The following TBK1 variants were observed in gnomAD, a reference collection of about 807,000 sequenced individuals.
The protein encoded by TBK1 is TANK binding kinase 1.
Under a neutral mutation model 99.9 loss-of-function variants are expected in TBK1, and 37 were observed. The ratio of observed to expected loss-of-function variants is 0.37; its 90% CI spans 0.28 to 0.49. The LOEUF (loss-of-function observed/expected upper bound fraction) is 0.49. Among genes scored for constraint, TBK1 ranks in the 20% least tolerant of loss-of-function variants. The pLI, the probability that TBK1 is intolerant of heterozygous loss-of-function variation, is 0.98. For synonymous variants in TBK1, 258 were observed against 279.8 expected, an observed-to-expected ratio of 0.92 and a Z score of 0.78; for missense variants, 644 against 872.5, an observed-to-expected ratio of 0.74 and a Z score of 3.30.
chr12:64,488,612 G>T (rs200532605), intron 12 of TBK1, 24 bp downstream of exon 12: 1 of 1,425,690 alleles, frequency 7.0e-7, no homozygotes, highest in Non-Finnish European at 9.7e-7. Context: ...TTCCTTACTA[G>T]TAGGGGTTAA....
intron 1 of TBK1, among the ~76,000 whole-genome samples, chr12:64,454,328 C>T (rs1017831723): frequency 6.6e-6 from 1 of 151,088 alleles, no homozygotes; most frequent in Non-Finnish European, 1.5e-5. Flanking sequence ...CTCACTGCAA[C>T]CTCTGCCTCC....
intron 8 of TBK1, 133 bp from the exon 9 acceptor site, chr12:64,484,170 A>C (rs1327688998): frequency 3.1e-5 from 19 of 621,230 alleles, no homozygotes; most frequent in Non-Finnish European, 5.2e-5. Flanking sequence ...CCACATTAAC[A>C]AAGCAAGTTT....
chr12:64,467,739 G>T (rs1041337608), intron 5 of TBK1, among the ~76,000 whole-genome samples: 3 of 152,082 alleles, frequency 2.0e-5, no homozygotes, highest in African/African-American at 4.8e-5. Context: ...CATTTGGATT[G>T]TGCTGTTGTA....
intron 7 of TBK1, among the ~76,000 whole-genome samples, chr12:64,481,323 A>G (rs1203132926): frequency 4.6e-5 from 7 of 152,198 alleles, no homozygotes; most frequent in African/African-American, 1.7e-4. Flanking sequence ...GGCATTATCT[A>G]TCGAATCAGT....
At chr12:64,494,410 G>A (rs1043703169) in intron 13 of TBK1, among the ~76,000 whole-genome samples, 1 of 152,146 alleles carries the variant, frequency 6.6e-6, no homozygotes, top group African/African-American at 2.4e-5. Flanking sequence ...AACTCAGGAG[G>A]CAGAGGTTGC....
At chr12:64,458,977 T>A (rs921809354) in intron 2 of TBK1, among the ~76,000 whole-genome samples, 1 of 151,996 alleles carries the variant, frequency 6.6e-6, no homozygotes, top group Non-Finnish European at 1.5e-5. Flanking sequence ...ATGACCAGGG[T>A]GAGGGGAATC....
chr12:64,496,408 T>TA lies in TBK1; in HGVS notation c.1760+4dup. On this transcript the variant is annotated splice_region_variant and intron_variant, in intron 16 of 20. Coordinates refer to ENST00000331710, the MANE Select transcript of TBK1 (RefSeq NM_013254.4). ...AGAACAAATCCACAAATTTGATAAGTAAGTATCCAGATTATGTTTAATAGT... is the reference window on the plus strand; with the variant it reads ...AGAACAAATCCACAAATTTGATAAGTAAAGTATCCAGATTATGTTTAATAGT... The TA allele has an allele frequency of 7.9e-7, 1 of 1,258,676 alleles. No individual in the cohort carries two copies. The allele number at this position is 1,258,676 out of a possible 1,614,324, so 78.0% of individuals were successfully genotyped here. A position where few individuals can be genotyped will look rare whatever the true frequency, so the allele number is the denominator to read the frequency against.
At chr12:64,463,135 G>A (rs1025366905) in intron 3 of TBK1, among the ~76,000 whole-genome samples, 1 of 152,104 alleles carries the variant, frequency 6.6e-6, no homozygotes, top group Non-Finnish European at 1.5e-5. Flanking sequence ...ACTTTGGGAG[G>A]CCGAGGTGGG....
At chr12:64,481,784 T>A in intron 7 of TBK1, 58 bp from the exon 8 acceptor site, 1 of 1,236,396 alleles carries the variant, frequency 8.1e-7, no homozygotes, top group Non-Finnish European at 1.1e-6. Flanking sequence ...TATGATTTTT[T>A]AACCTAGACA....
chr12:64,481,984 A>G lies in TBK1; in HGVS notation c.955A>G (p.Met319Val), dbSNP rs1592367442. Reference sequence around the variant, plus strand: ...AATTCATGTTTTTTCGCTACAACAAATGACAGCTCATAAGATTTATATTCA... The same window carrying G: ...AATTCATGTTTTTTCGCTACAACAAGTGACAGCTCATAAGATTTATATTCA... Reference protein sequence around the residue: ...MVIHVFSLQQMTAHKIYIHSY... With the variant: ...MVIHVFSLQQVTAHKIYIHSY... The change falls in exon 8 of 21, where the codon ATG (methionine) becomes GTG (valine). Residue 319 changes from methionine (M) to valine (V), a missense_variant. Around this residue, in one of 3 missense-constraint regions of TBK1, gnomAD observed 465 missense variants for 588.0 expected, o/e 0.79. Coordinates refer to ENST00000331710, the MANE Select transcript of TBK1 (RefSeq NM_013254.4). 1.2e-6 allele frequency: 2 copies of G among 1,603,888 alleles called. No individual in the cohort carries two copies. Among genetic ancestry groups the G allele is most frequent in the Non-Finnish European group, 1.7e-6 (2 of 1,175,294 alleles).
chr12:64,486,072 A>G, intron 11 of TBK1, 55 bp downstream of exon 11: 1 of 1,255,724 alleles, frequency 8.0e-7, no homozygotes, highest in South Asian at 1.4e-5. Context: ...TTGCCCCATC[A>G]TTGATATTTT....
chr12:64,460,909 T>C (rs1472448111), intron 3 of TBK1, among the ~76,000 whole-genome samples: 1 of 150,844 alleles, frequency 6.6e-6, no homozygotes, highest in East Asian at 1.9e-4. Flanking sequence ...GGCAAAACCC[T>C]GTCTCTGTAA....
intron 2 of TBK1, among the ~76,000 whole-genome samples, chr12:64,458,512 C>CATAT (rs10626258): frequency 0.046 from 6,658 of 143,942 alleles, 188 homozygotes; most frequent in South Asian, 0.068. Context: ...TGGATATATA[C>CATAT]ATATATATAT....
chr12:64,456,201 A>G (rs1430482601), intron 2 of TBK1, among the ~76,000 whole-genome samples: 1 of 152,174 alleles, frequency 6.6e-6, no homozygotes, highest in African/African-American at 2.4e-5. Flanking sequence ...GGACTGGGAA[A>G]GATTAGTGTT....
intron 11 of TBK1, among the ~76,000 whole-genome samples, chr12:64,486,436 AT>A (rs527905582): frequency 8.8e-4 from 126 of 143,880 alleles, no homozygotes; most frequent in South Asian, 8.9e-4. Flanking sequence ...ATCACACCGT[AT>A]TTTTTTTTTT....
intron 15 of TBK1, 97 bp from the exon 16 acceptor site, chr12:64,496,270 T>C (rs2040923876): frequency 1.8e-6 from 1 of 571,400 alleles, no homozygotes; most frequent in African/African-American, 2.0e-5. Context: ...TGCTTCAGAC[T>C]CTTAGCCTTT....
chr12:64,474,211 CTTTTT>C lies in TBK1; in HGVS notation c.541-13_541-9del, dbSNP rs369498196. 3 of 1,349,390 alleles carry C rather than the reference CTTTTT, an allele frequency of 2.2e-6. No individual in the cohort carries two copies. The highest frequency in any genetic ancestry group is 2.8e-5 in the South Asian group (2 of 71,308). The allele number at this position is 1,349,390 out of a possible 1,614,324, so 83.6% of individuals were successfully genotyped here. ...TGGGTCACAGGTTCATGATTTTTTT[CTTTTT>C]TTTTTAATCTTAGCACCCTGATATG... On this transcript the variant is annotated splice_polypyrimidine_tract_variant and intron_variant, in intron 5 of 20. Transcript: ENST00000331710.
intron 5 of TBK1, among the ~76,000 whole-genome samples, chr12:64,473,768 C>G (rs539734497): frequency 6.6e-6 from 1 of 152,190 alleles, no homozygotes; most frequent in African/African-American, 2.4e-5. Flanking sequence ...GAAACCCTGT[C>G]TCTACTAAAA....
intron 3 of TBK1, among the ~76,000 whole-genome samples, 180 bp downstream of exon 3, chr12:64,460,509 A>G (rs1488009685): frequency 3.3e-5 from 5 of 152,112 alleles, no homozygotes; most frequent in African/African-American, 1.2e-4. Flanking sequence ...ATAAAAATGG[A>G]ATCAGAAACA....
Sources: gnomAD v4.1 joint callset for allele counts (sites outside exome capture counted in the v4.1 genomes callset) on GRCh38, gnomAD v4.1.1 for gene constraint, gnomAD v4.1.1 regional missense constraint, MANE v1.5 for transcripts, NCBI Gene and HGNC (gene_info 2026-07-23, HGNC 2026-07-21) for gene names.